Variants in CNBD1 observed in about 807,000 individuals in gnomAD.
CNBD1 encodes the protein cyclic nucleotide binding domain containing 1.
Under a neutral mutation model 54.4 loss-of-function variants are expected in CNBD1, and 71 were observed. The ratio of observed to expected loss-of-function variants is 1.30; its 90% CI spans 1.08 to 1.59. The LOEUF is 1.59. CNBD1 is among the 40% of genes most tolerant of loss of function. CNBD1 has a pLI of 0.00. For synonymous variants in CNBD1, 182 were observed against 170.7 expected (o/e 1.07, Z -0.51); for missense variants, 659 against 518.0 (o/e 1.27, Z -2.64).
intron 5 of CNBD1, among the ~76,000 whole-genome samples, chr8:87,222,546 C>A (rs1265422666): frequency 1.3e-5 from 2 of 152,068 alleles, no homozygotes; most frequent in African/African-American, 4.8e-5. Flanking sequence ...CAGTTAAACT[C>A]AATTTTATAG....
intron 4 of CNBD1, among the ~76,000 whole-genome samples, chr8:87,033,610 TG>T (rs1490313654): frequency 1.3e-5 from 2 of 152,230 alleles, no homozygotes; most frequent in African/African-American, 4.8e-5. Flanking sequence ...AGAGTTAGCC[TG>T]CCCCTTCCTG....
At chr8:86,873,181 A>G (rs1052334457) in intron 1 of CNBD1, among the ~76,000 whole-genome samples, 2 of 149,378 alleles carry the variant, frequency 1.3e-5, no homozygotes, top group Non-Finnish European at 3.0e-5. Flanking sequence ...GGTTCACCGT[A>G]ACTTCTGCCT....
At chr8:86,956,971 A>T (rs949473785) in intron 4 of CNBD1, among the ~76,000 whole-genome samples, 4 of 152,226 alleles carry the variant, frequency 2.6e-5, no homozygotes, top group African/African-American at 9.6e-5. Context: ...TGGGTCTGTC[A>T]TAAATAGCTC....
In CNBD1 at chr8:86,942,043, C is replaced by T. The variant is rs1394553729; in HGVS notation, c.431+2289C>T. ...GTGGGCTGTGACAGCCACCAAATTA[C>T]AGTAGGAGAGTAAATGAGAAGGAAA... On this transcript the variant is annotated intron_variant, in intron 4 of 10. Coordinates refer to ENST00000518476, the MANE Select transcript of CNBD1 (RefSeq NM_173538.3). Among the ~76,000 whole-genome samples, 3 of 152,278 alleles carry T rather than the reference C, an allele frequency of 2.0e-5. No homozygotes were observed. In the East Asian group the frequency reaches 5.8e-4, roughly 29 times the overall value.
intron 3 of CNBD1, among the ~76,000 whole-genome samples, chr8:86,909,639 T>C (rs1363014933): frequency 1.3e-5 from 2 of 152,212 alleles, no homozygotes; most frequent in East Asian, 3.9e-4. Context: ...TGATTTTTAC[T>C]CAGAATATGT....
At chr8:87,368,226 G>A (rs1045813178) in intron 10 of CNBD1, among the ~76,000 whole-genome samples, 8 of 151,082 alleles carry the variant, frequency 5.3e-5, no homozygotes, top group African/African-American at 1.9e-4. Context: ...GGTGATTTGG[G>A]AAGTAGCCTA....
In CNBD1 at chr8:87,396,904, T is replaced by TC. The variant is rs397742172; in HGVS notation, c.214-31641dup. The stretch of plus-strand genomic sequence containing the variant: ...ATAGTTTGTTTTCTTTTTTTTTTTT[T>TC]CAAGTAGTTCTTTAAATCATCTGGA... On this transcript the variant is annotated intron_variant, in intron 2 of 7. Coordinates refer to the CNBD1 transcript ENST00000521593. 2.1e-3 allele frequency among the ~76,000 whole-genome samples: 313 copies of TC among 151,058 alleles called. 2 individuals carry two copies. The highest frequency in any genetic ancestry group is 6.9e-3 in the African/African-American group (286 of 41,376).
In CNBD1 at chr8:86,990,953, A is replaced by G. The variant is rs1467635384; in HGVS notation, c.431+51199A>G. On this transcript the variant is annotated intron_variant, in intron 4 of 10. Transcript: ENST00000518476. Reference sequence around the variant, plus strand: ...TTAGTTTTATGTGTGGCTATTGTACATGGGATTACTTTTTTGATTTCTGTT... The same window carrying G: ...TTAGTTTTATGTGTGGCTATTGTACGTGGGATTACTTTTTTGATTTCTGTT... 2.0e-5 allele frequency among the ~76,000 whole-genome samples: 3 copies of G among 152,032 alleles called. No homozygotes were observed. The South Asian group carries it at 6.2e-4, about 31-fold the overall frequency.
chr8:87,031,658 C>T (rs1277711288), intron 4 of CNBD1, among the ~76,000 whole-genome samples: 1 of 152,190 alleles, frequency 6.6e-6, no homozygotes, highest in African/African-American at 2.4e-5. Context: ...TGGCCCCAGA[C>T]AGAAAAGTTA....
At chr8:87,396,827 C>A (rs1430852133) in intron 2 of CNBD1, among the ~76,000 whole-genome samples, 1 of 150,728 alleles carries the variant, frequency 6.6e-6, no homozygotes, top group Non-Finnish European at 1.5e-5. Flanking sequence ...GTATTTAGAG[C>A]TATCATTCCC....
At chr8:87,413,137 G>A (rs1042803962) in intron 2 of CNBD1, among the ~76,000 whole-genome samples, 16 of 151,950 alleles carry the variant, frequency 1.1e-4, no homozygotes, top group African/African-American at 2.7e-4. Context: ...GGAGATATGC[G>A]GCCTTATATC....
intron 4 of CNBD1, among the ~76,000 whole-genome samples, chr8:86,975,383 TC>T (rs1228493323): frequency 1.8e-4 from 27 of 152,026 alleles, no homozygotes; most frequent in Non-Finnish European, 1.2e-4. Flanking sequence ...TCTACCACTG[TC>T]CCCATCCCCA....
intron 4 of CNBD1, among the ~76,000 whole-genome samples, chr8:87,193,607 T>C (rs193207702): frequency 6.6e-6 from 1 of 152,342 alleles, no homozygotes; most frequent in East Asian, 1.9e-4. Context: ...CTTTCACTTA[T>C]AGAGACCCAA....
intron 4 of CNBD1, among the ~76,000 whole-genome samples, chr8:87,109,085 A>G (rs1811603865): frequency 1.3e-5 from 2 of 152,208 alleles, no homozygotes. Context: ...TCAGAACTAG[A>G]TTTAATTGCA....
intron 10 of CNBD1, among the ~76,000 whole-genome samples, chr8:87,356,976 G>T (rs1019569555): frequency 6.6e-6 from 1 of 152,150 alleles, no homozygotes; most frequent in Non-Finnish European, 1.5e-5. Context: ...GCCATCCTGG[G>T]CTCAAACAGC....
intron 1 of CNBD1, among the ~76,000 whole-genome samples, chr8:86,873,103 GTT>G (rs34594723): frequency 6.5e-5 from 9 of 137,972 alleles, no homozygotes; most frequent in African/African-American, 7.9e-5. Context: ...TGTTGTTTTA[GTT>G]TTTTTTTTTT....
intron 10 of CNBD1, among the ~76,000 whole-genome samples, chr8:87,381,611 G>A (rs944988316): frequency 2.3e-4 from 35 of 152,114 alleles, no homozygotes; most frequent in African/African-American, 7.7e-4. Flanking sequence ...TAGCTAATAT[G>A]TGGGAAATCT....
chr8:87,355,925 T>C (rs982349895), intron 10 of CNBD1, among the ~76,000 whole-genome samples: 9 of 152,122 alleles, frequency 5.9e-5, no homozygotes, highest in Middle Eastern at 3.2e-3. Flanking sequence ...TCCTGGGTAA[T>C]GAGTGAGTTC....
Position 86,866,417 on chromosome 8 carries a change from TTTA to T in CNBD1, c.-77_-75del. On this transcript the variant is annotated 5_prime_UTR_variant, in exon 1 of 11. The change abolishes an upstream ATG in the 5' untranslated region. Coordinates refer to ENST00000518476, the MANE Select transcript of CNBD1 (RefSeq NM_173538.3). ...ATCAGAGAGGACCTTGAAGTTCTGC[TTTA>T]TGAGCCTGCAGGCAAAGAGTGATCA... 1 of 992,572 alleles carries T rather than the reference TTTA, an allele frequency of 1.0e-6. No homozygotes were observed. The highest frequency in any genetic ancestry group is 1.6e-6 in the Non-Finnish European group (1 of 641,014). 61.5% of individuals were successfully genotyped at this position (992,572 alleles called of 1,614,324 possible). A position where few individuals can be genotyped will look rare whatever the true frequency, so the allele number is the denominator to read the frequency against.
Sources: gnomAD v4.1 joint callset for allele counts (sites outside exome capture counted in the v4.1 genomes callset) on GRCh38, gnomAD v4.1.1 for gene constraint, MANE v1.5 for transcripts, NCBI Gene and HGNC (gene_info 2026-07-23, HGNC 2026-07-21) for gene names.